Variants in CFAP299 observed in about 807,000 individuals in gnomAD.
CFAP299 encodes the protein cilia- and flagella-associated protein 299.
A neutral mutation model predicts 27.0 loss-of-function variants in CFAP299; 21 were observed. That is an observed-to-expected ratio of 0.78 (90% CI 0.55 to 1.12). The LOEUF (loss-of-function observed/expected upper bound fraction) is 1.12. CFAP299 is among the 50% of genes most tolerant of loss of function. CFAP299 has a pLI of 0.00. For synonymous variants in CFAP299, 104 were observed against 98.1 expected, an observed-to-expected ratio of 1.06 and a Z score of -0.36; for missense variants, 310 against 276.6, an observed-to-expected ratio of 1.12 and a Z score of -0.86.
intron 2 of CFAP299, among the ~76,000 whole-genome samples, chr4:80,549,837 A>G (rs1450194168): frequency 6.6e-6 from 1 of 152,110 alleles, no homozygotes; most frequent in African/African-American, 2.4e-5. Context: ...TGCAAAATAT[A>G]ATTTTTGATA....
intron 2 of CFAP299, among the ~76,000 whole-genome samples, chr4:80,468,223 C>CTT (rs113555359): frequency 1.1e-3 from 161 of 143,798 alleles, no homozygotes; most frequent in African/African-American, 3.1e-3. Context: ...GTTATAATTT[C>CTT]TTTTTTTTTT....
chr4:80,376,972 G>A (rs1281175786), intron 2 of CFAP299, among the ~76,000 whole-genome samples: 1 of 152,118 alleles, frequency 6.6e-6, no homozygotes, highest in Admixed American at 6.6e-5. Flanking sequence ...TTGGTGAAAT[G>A]TTTTATTGAT....
intron 3 of CFAP299, among the ~76,000 whole-genome samples, chr4:80,748,784 G>A (rs1486983067): frequency 6.6e-6 from 1 of 152,036 alleles, no homozygotes; most frequent in Non-Finnish European, 1.5e-5. Flanking sequence ...ATAGGTCTGG[G>A]ACTGGCTTTG....
chr4:80,615,767 G>A (rs1577935918), intron 3 of CFAP299, among the ~76,000 whole-genome samples: 1 of 152,210 alleles, frequency 6.6e-6, no homozygotes, highest in East Asian at 1.9e-4. Flanking sequence ...CTTCTAAATA[G>A]GATCCTTCCC....
At chr4:80,532,490 G>C (rs1210127061) in intron 2 of CFAP299, among the ~76,000 whole-genome samples, 2 of 152,216 alleles carry the variant, frequency 1.3e-5, no homozygotes, top group Admixed American at 6.5e-5. Flanking sequence ...GTGTGAAGTA[G>C]AGTTAGGATT....
At chr4:80,888,369 A>G (rs1734075869) in intron 4 of CFAP299, among the ~76,000 whole-genome samples, 1 of 152,100 alleles carries the variant, frequency 6.6e-6, no homozygotes, top group Non-Finnish European at 1.5e-5. Context: ...GATTTCAAGA[A>G]AAAAGTGTGA....
At chr4:80,595,955 A>T (rs969208241) in intron 3 of CFAP299, among the ~76,000 whole-genome samples, 3 of 152,080 alleles carry the variant, frequency 2.0e-5, no homozygotes, top group Admixed American at 6.6e-5. Context: ...CTTATATCTG[A>T]CCCCTGATGA....
chr4:80,886,078 C>G (rs6833772), intron 4 of CFAP299, among the ~76,000 whole-genome samples: 2 of 151,862 alleles, frequency 1.3e-5, no homozygotes, highest in South Asian at 2.1e-4. Flanking sequence ...GAACACCCCA[C>G]GGACTAGTGG....
intron 2 of CFAP299, among the ~76,000 whole-genome samples, chr4:80,415,339 G>C (rs1451691493): frequency 1.3e-5 from 2 of 151,994 alleles, no homozygotes; most frequent in African/African-American, 4.8e-5. Context: ...TGTAAAGGAG[G>C]TCTAATAAAA....
At chr4:80,514,014 T>C (rs1268116296) in intron 2 of CFAP299, among the ~76,000 whole-genome samples, 1 of 152,104 alleles carries the variant, frequency 6.6e-6, no homozygotes, top group East Asian at 1.9e-4. Context: ...GATGTTCCAA[T>C]GAACTTCTAC....
At chr4:80,960,128 T>A (rs1738274199) in intron 5 of CFAP299, among the ~76,000 whole-genome samples, 1 of 151,536 alleles carries the variant, frequency 6.6e-6, no homozygotes, top group Non-Finnish European at 1.5e-5. Flanking sequence ...AAAAAAAGCC[T>A]TTCATTTAGT....
chr4:80,856,572 A>T lies in CFAP299; in HGVS notation c.334-13421A>T, dbSNP rs1578187269. 2.0e-5 allele frequency among the ~76,000 whole-genome samples: 3 copies of T among 151,918 alleles called. No homozygotes were observed. The East Asian group carries it at 5.8e-4, about 29-fold the overall frequency. ...TAAGTCTTTAATCCATCTTGAATTA[A>T]TTTTTGTATAAGGTGTAAGGAAGGG... On this transcript the variant is annotated intron_variant, in intron 3 of 5. Transcript: ENST00000358105.
At chr4:80,356,265 C>A (rs761890673) in intron 1 of CFAP299, among the ~76,000 whole-genome samples, 15 of 152,022 alleles carry the variant, frequency 9.9e-5, no homozygotes, top group Non-Finnish European at 1.9e-4. Flanking sequence ...AGTCAGGTAC[C>A]GTGATGCCTC....
chr4:80,736,466 AG>A (rs1227418403), intron 3 of CFAP299, among the ~76,000 whole-genome samples: 3 of 152,042 alleles, frequency 2.0e-5, no homozygotes, highest in Admixed American at 1.3e-4. Flanking sequence ...CAAATTTACA[AG>A]AAAAAAAAAA....
chr4:80,377,791 A>C (rs1423609675), intron 2 of CFAP299, among the ~76,000 whole-genome samples: 1 of 152,150 alleles, frequency 6.6e-6, no homozygotes, highest in East Asian at 1.9e-4. Context: ...TTATAGCTGT[A>C]TTGATCCTAA....
At chr4:80,519,204 G>A (rs1732776020) in intron 2 of CFAP299, among the ~76,000 whole-genome samples, 1 of 152,072 alleles carries the variant, frequency 6.6e-6, no homozygotes, top group East Asian at 1.9e-4. Context: ...GTGTATGTGT[G>A]TGTGTGTGTG....
chr4:80,450,014 A>G (rs1395785641), intron 2 of CFAP299, among the ~76,000 whole-genome samples: 2 of 152,126 alleles, frequency 1.3e-5, no homozygotes, highest in Non-Finnish European at 2.9e-5. Flanking sequence ...TAAGTGTCCT[A>G]TCTTCTTGGA....
rs532658576 is a variant in CFAP299 at position 80,345,178 on chromosome 4, TAGTG to T, written c.111+9302_111+9305del. On this transcript the variant is annotated intron_variant, in intron 1 of 5. Transcript: ENST00000358105. Reference sequence around the variant, plus strand: ...GAGAAAGAAATGAAGGGTTTTCAAATAGTGAGAGAGGAAGTCAAGTGATGTTTGT... The same window carrying T: ...GAGAAAGAAATGAAGGGTTTTCAAATAGAGAGGAAGTCAAGTGATGTTTGT... Among the ~76,000 whole-genome samples the T allele has an allele frequency of 6.2e-3, 947 of 152,234 alleles. 2 individuals are homozygous for T. The highest frequency in any genetic ancestry group is 0.024 in the Middle Eastern group (7 of 294).
intron 3 of CFAP299, among the ~76,000 whole-genome samples, chr4:80,774,354 TAAAAC>T (rs1471841603): frequency 3.3e-5 from 5 of 151,916 alleles, no homozygotes; most frequent in Admixed American, 1.3e-4. Flanking sequence ...AATATTAACT[TAAAAC>T]AAAGTCACAT....
Sources: allele counts gnomAD v4.1 joint callset (sites outside exome capture counted in the v4.1 genomes callset), GRCh38; gene constraint gnomAD v4.1.1; transcripts MANE v1.5; gene names NCBI Gene and HGNC (gene_info 2026-07-23, HGNC 2026-07-21).